Variants in WAPL observed in about 807,000 individuals in gnomAD.
WAPL encodes WAPL cohesin release factor, also known as wings apart-like protein homolog.
WAPL carries 5 observed loss-of-function variants against 121.0 expected under a neutral mutation model. The ratio of observed to expected loss-of-function variants is 0.04; its 90% CI spans 0.02 to 0.09. WAPL has a LOEUF of 0.09. Ranked by LOEUF, WAPL falls within the 10% of genes least tolerant of loss-of-function variation. The pLI, the probability that WAPL is intolerant of heterozygous loss-of-function variation, is 1.00. For synonymous variants in WAPL, 480 were observed against 481.5 expected (o/e 1.00, Z 0.04); for missense variants, 999 against 1,410.8 (o/e 0.71, Z 4.68).
At chr10:86,508,985 C>T (rs1257417641) in intron 2 of WAPL, among the ~76,000 whole-genome samples, 1 of 151,926 alleles carries the variant, frequency 6.6e-6, no homozygotes, top group African/African-American at 2.4e-5. Flanking sequence ...CCTCGTGATC[C>T]GCCCGCCTCT....
chr10:86,469,530 A>G (rs570276556), intron 8 of WAPL, among the ~76,000 whole-genome samples: 98 of 152,156 alleles, frequency 6.4e-4, no homozygotes, highest in African/African-American at 2.2e-3. Context: ...CTAGGATTAT[A>G]GGCATGAGCC....
At chr10:86,479,536 G>A (rs1429576609) in intron 4 of WAPL, among the ~76,000 whole-genome samples, 2 of 152,164 alleles carry the variant, frequency 1.3e-5, no homozygotes, top group African/African-American at 4.8e-5. Context: ...CTACTGGCGT[G>A]AGCCACAGCG....
chr10:86,465,202 T>G (rs964567971), intron 9 of WAPL, among the ~76,000 whole-genome samples: 4 of 151,942 alleles, frequency 2.6e-5, no homozygotes, highest in African/African-American at 4.8e-5. Flanking sequence ...GTTTGTTTGG[T>G]TTTTTTTGGA....
At chr10:86,452,474 C>T (rs183234234) in intron 14 of WAPL, among the ~76,000 whole-genome samples, 1 of 152,140 alleles carries the variant, frequency 6.6e-6, no homozygotes, top group Non-Finnish European at 1.5e-5. Flanking sequence ...TGCCTGTAAT[C>T]CCACCTAATT....
At chr10:86,495,158 G>A (rs1842125431) in intron 4 of WAPL, among the ~76,000 whole-genome samples, 1 of 152,072 alleles carries the variant, frequency 6.6e-6, no homozygotes, top group Non-Finnish European at 1.5e-5. Context: ...AGCTATTTAA[G>A]GAATTTTTTA....
intron 15 of WAPL, among the ~76,000 whole-genome samples, chr10:86,448,523 T>C (rs1840892696): frequency 6.6e-6 from 1 of 152,218 alleles, no homozygotes; most frequent in Admixed American, 6.5e-5. Flanking sequence ...CGTGTTGACA[T>C]GAAGAGCTCA....
intron 2 of WAPL, among the ~76,000 whole-genome samples, chr10:86,511,200 G>GA (rs1842458246): frequency 1.3e-5 from 2 of 152,170 alleles, no homozygotes; most frequent in African/African-American, 4.8e-5. Flanking sequence ...TCAGAAGGCT[G>GA]AGGCAGGAGG....
intron 9 of WAPL, among the ~76,000 whole-genome samples, chr10:86,464,570 G>A (rs552721473): frequency 8.7e-4 from 132 of 152,278 alleles, no homozygotes; most frequent in Admixed American, 1.4e-3. Context: ...TTGGACAGGC[G>A]TAGTGGCTCA....
intron 4 of WAPL, among the ~76,000 whole-genome samples, chr10:86,487,628 C>T (rs952793946): frequency 7.9e-5 from 12 of 152,070 alleles, no homozygotes; most frequent in South Asian, 2.1e-4. Context: ...TGGTGGCTCA[C>T]GCCTGTAATC....
In WAPL at chr10:86,443,424, C is replaced by CTGTTAGTTTTTTTACT. The variant is rs538844291; in HGVS notation, c.3323-62_3323-61insAGTAAAAAAACTAACA. 1.6e-3 allele frequency: 2,357 copies of CTGTTAGTTTTTTTACT among 1,443,856 alleles called. 57 individuals are homozygous for CTGTTAGTTTTTTTACT. The South Asian group carries it at 0.024, about 15-fold the overall frequency. The allele number at this position is 1,443,856 out of a possible 1,614,324, so 89.4% of individuals were successfully genotyped here. A position where few individuals can be genotyped will look rare whatever the true frequency, so the allele number is the denominator to read the frequency against. ...TTAATTAACACAAACCTCACAAAAC[C>CTGTTAGTTTTTTTACT]AACCATTCTGTTAGTTATCTTTACT... On this transcript the variant is annotated intron_variant, in intron 16 of 18. Transcript: ENST00000298767.
At chr10:86,456,075 G>A (rs1410072073) in intron 12 of WAPL, among the ~76,000 whole-genome samples, 1 of 152,130 alleles carries the variant, frequency 6.6e-6, no homozygotes, top group African/African-American at 2.4e-5. Flanking sequence ...AGAGTCTGAT[G>A]GACACTCAAT....
intron 12 of WAPL, among the ~76,000 whole-genome samples, chr10:86,454,802 G>A (rs1333547074): frequency 2.5e-4 from 38 of 151,640 alleles, no homozygotes; most frequent in Admixed American, 5.2e-4. Flanking sequence ...GTCTCTGCCC[G>A]GCCGCCCATC....
chr10:86,502,164 G>C (rs10788512), intron 2 of WAPL, among the ~76,000 whole-genome samples: 146,516 of 152,352 alleles, frequency 0.96, 70,596 homozygotes, highest in East Asian at 1. Context: ...AAACTCAATA[G>C]AACACTGTTT....
intron 8 of WAPL, among the ~76,000 whole-genome samples, chr10:86,469,037 G>T (rs1841468594): frequency 6.6e-6 from 1 of 152,026 alleles, no homozygotes; most frequent in Non-Finnish European, 1.5e-5. Context: ...CCGGGAGGCA[G>T]AGGCTGCAGT....
chr10:86,450,513 G>C (rs1021392888), intron 15 of WAPL, among the ~76,000 whole-genome samples: 8 of 152,140 alleles, frequency 5.3e-5, no homozygotes, highest in South Asian at 2.1e-4. Flanking sequence ...TGGGATTATA[G>C]GTGTGAGCTA....
intron 12 of WAPL, among the ~76,000 whole-genome samples, chr10:86,456,496 A>C (rs1198921913): frequency 6.6e-6 from 1 of 152,150 alleles, no homozygotes; most frequent in African/African-American, 2.4e-5. Context: ...GACACTATTT[A>C]AATCACCAAG....
rs34530024 is a variant in WAPL at position 86,508,758 on chromosome 10, C to CTTTTTTT, written c.500-8022_500-8016dup. On this transcript the variant is annotated intron_variant, in intron 2 of 18. Transcript: ENST00000298767. ...TCCCCCTCCATTAGTATTGAAAGTT[C>CTTTTTTT]TTTTTTTTTTTTTTTTTTGAGACAG... 2.6e-5 allele frequency among the ~76,000 whole-genome samples: 3 copies of CTTTTTTT among 116,786 alleles called. 1 individual carries two copies. The highest frequency in any genetic ancestry group is 1.0e-4 in the Admixed American group (1 of 9,724). 76.6% of individuals were successfully genotyped at this position (116,786 alleles called of 152,430 possible). A position where few individuals can be genotyped will look rare whatever the true frequency, so the allele number is the denominator to read the frequency against.
intron 15 of WAPL, among the ~76,000 whole-genome samples, chr10:86,449,566 C>T (rs1400359825): frequency 1.3e-5 from 2 of 152,150 alleles, no homozygotes; most frequent in African/African-American, 2.4e-5. Context: ...CAATTAGACA[C>T]AGTAGGAAAA....
At chr10:86,445,963 T>G (rs1197061804) in intron 16 of WAPL, among the ~76,000 whole-genome samples, 1 of 152,232 alleles carries the variant, frequency 6.6e-6, no homozygotes, top group African/African-American at 2.4e-5. Context: ...GTCTCCTATA[T>G]GTCTCTTCAC....
Sources: allele counts gnomAD v4.1 joint callset (sites outside exome capture counted in the v4.1 genomes callset), GRCh38; gene constraint gnomAD v4.1.1; transcripts MANE v1.5; gene names NCBI Gene and HGNC (gene_info 2026-07-23, HGNC 2026-07-21).